RAPH1: variants seen among roughly 807,000 people sequenced by gnomAD.
RAPH1 encodes ras-associated and pleckstrin homology domains-containing protein 1.
RAPH1 carries 18 observed loss-of-function variants against 88.1 expected under a neutral mutation model. The ratio of observed to expected loss-of-function variants is 0.20; its 90% CI spans 0.14 to 0.30. The LOEUF (loss-of-function observed/expected upper bound fraction) is 0.30. Among genes scored for constraint, RAPH1 ranks in the 10% least tolerant of loss-of-function variants. RAPH1 has a pLI of 1.00. For synonymous variants in RAPH1, 587 were observed against 559.0 expected, an observed-to-expected ratio of 1.05 and a Z score of -0.71; for missense variants, 1,448 against 1,543.2, an observed-to-expected ratio of 0.94 and a Z score of 1.03.
At chr2:203,464,045 AAAG>A (rs1435677385) in intron 4 of RAPH1, among the ~76,000 whole-genome samples, 1 of 152,214 alleles carries the variant, frequency 6.6e-6, no homozygotes, top group Non-Finnish European at 1.5e-5. Flanking sequence ...AGGGGAAGAG[AAAG>A]AAGGAGGCAG....
chr2:203,530,477 T>C (rs1308063842), intron 1 of RAPH1, among the ~76,000 whole-genome samples: 1 of 152,188 alleles, frequency 6.6e-6, no homozygotes, highest in East Asian at 1.9e-4. Flanking sequence ...ACTCTTCAAA[T>C]ACACTGATCC....
chr2:203,495,427 CT>C, intron 1 of RAPH1, 74 bp from the exon 2 acceptor site: 1 of 1,430,214 alleles, frequency 7.0e-7, no homozygotes. Context: ...CATATATGCT[CT>C]GATATATATT....
intron 4 of RAPH1, among the ~76,000 whole-genome samples, chr2:203,465,906 AG>A (rs1323078724): frequency 6.6e-6 from 1 of 152,190 alleles, no homozygotes; most frequent in East Asian, 1.9e-4. Flanking sequence ...CAACGGACAT[AG>A]GGATTAAACA....
chr2:203,473,675 TA>T lies in RAPH1; in HGVS notation c.733-11751del, dbSNP rs898904950. Among the ~76,000 whole-genome samples the T allele has an allele frequency of 5.2e-4, 79 of 151,684 alleles. No individual in the cohort carries two copies. The East Asian group carries it at 6.2e-3, about 12-fold the overall frequency. On this transcript the variant is annotated intron_variant, in intron 4 of 13. Transcript: ENST00000319170. ...TAGAAATATATTTTAAACGTTTAAT[TA>T]AAAAAAAATTATGGTTTGGGCATGG... is the stretch of plus-strand genomic sequence containing the variant.
intron 4 of RAPH1, among the ~76,000 whole-genome samples, chr2:203,485,014 A>G (rs905388463): frequency 6.6e-6 from 1 of 152,186 alleles, no homozygotes; most frequent in Non-Finnish European, 1.5e-5. Flanking sequence ...GCTTAGGGAA[A>G]CTTCATGCTC....
At chr2:203,449,004 T>G (rs1049320071) in intron 10 of RAPH1, among the ~76,000 whole-genome samples, 168 bp from the exon 11 acceptor site, 4 of 152,222 alleles carry the variant, frequency 2.6e-5, no homozygotes, top group African/African-American at 9.7e-5. Flanking sequence ...CCCATAAGAA[T>G]TTTTACAAAG....
intron 4 of RAPH1, among the ~76,000 whole-genome samples, chr2:203,479,112 A>G (rs892157098): frequency 1.3e-5 from 2 of 152,256 alleles, no homozygotes; most frequent in Non-Finnish European, 2.9e-5. Flanking sequence ...ATATAGACAC[A>G]GAAAAATAAT....
chr2:203,486,093 C>CAA lies in RAPH1; in HGVS notation c.732+3489_732+3490dup, dbSNP rs59599120. 4.6e-3 allele frequency among the ~76,000 whole-genome samples: 559 copies of CAA among 121,818 alleles called. 2 individuals are homozygous for CAA. The highest frequency in any genetic ancestry group is 0.025 in the South Asian group (102 of 4,056). The allele number at this position is 121,818 out of a possible 152,430, so 79.9% of individuals were successfully genotyped here. On this transcript the variant is annotated intron_variant, in intron 4 of 13. Transcript: ENST00000319170. ...AACCTAAGGATAATCCTGAAGACTA[C>CAA]AAAAAAAAAAAAAAGAAAGAAAAGA...
At chr2:203,477,250 T>A in intron 4 of RAPH1, 1 of 931,348 alleles carries the variant, frequency 1.1e-6, no homozygotes. Context: ...ATCAATGAAG[T>A]GAAACAAAAC....
chr2:203,495,076 T>C, intron 2 of RAPH1, 158 bp downstream of exon 2: 1 of 721,470 alleles, frequency 1.4e-6, no homozygotes, highest in Non-Finnish European at 2.2e-6. Context: ...ATATCTTCTG[T>C]TCTAGAATGA....
At chr2:203,501,854 T>C (rs1409138434) in intron 1 of RAPH1, among the ~76,000 whole-genome samples, 4 of 146,048 alleles carry the variant, frequency 2.7e-5, no homozygotes, top group Non-Finnish European at 4.5e-5. Context: ...CAAATACAAA[T>C]TCTGTAACTT....
At chr2:203,487,780 C>T (rs1688041009) in intron 4 of RAPH1, among the ~76,000 whole-genome samples, 2 of 152,024 alleles carry the variant, frequency 1.3e-5, no homozygotes, top group Admixed American at 6.5e-5. Context: ...TGATAAGATT[C>T]GCTTTCTTTG....
intron 8 of RAPH1, among the ~76,000 whole-genome samples, chr2:203,457,206 T>C (rs1441863831): frequency 1.3e-5 from 2 of 151,956 alleles, no homozygotes; most frequent in Non-Finnish European, 2.9e-5. Flanking sequence ...TTTATTTTAT[T>C]GAGACAGAGT....
chr2:203,469,535 G>T (rs2098531329), intron 4 of RAPH1, among the ~76,000 whole-genome samples: 1 of 152,128 alleles, frequency 6.6e-6, no homozygotes, highest in South Asian at 2.1e-4. Flanking sequence ...ATATTTTTCA[G>T]AAATATGTCT....
At chr2:203,454,263 A>T (rs775348019) in intron 10 of RAPH1, among the ~76,000 whole-genome samples, 167 bp downstream of exon 10, 2 of 152,228 alleles carry the variant, frequency 1.3e-5, no homozygotes, top group Non-Finnish European at 2.9e-5. Flanking sequence ...GTCTGCTATG[A>T]TATAGCACAT....
Position 203,439,948 on chromosome 2 carries a change from T to G in RAPH1, c.3242A>C (p.Glu1081Ala). 6.2e-7 allele frequency: 1 copy of G among 1,613,672 alleles called. No individual in the cohort carries two copies. The highest frequency in any genetic ancestry group is 1.1e-5 in the South Asian group (1 of 91,038). Residue 1081 changes from glutamate to alanine, a missense_variant, in exon 14 of 14, where the codon GAG becomes GCG. Glu to Ala is a moderately radical substitution (Grantham distance 107). Transcript: ENST00000319170. ...SDFPPPPPETELPLPPIEIPA... is the reference protein window; with the variant it reads ...SDFPPPPPETALPLPPIEIPA... ...AATCTCAATGGGGGGCAGAGGAAGC[T>G]CTGTTTCAGGTGGAGGGGGTGGAAA...
At chr2:203,447,916 T>C in intron 12 of RAPH1, 43 bp downstream of exon 12, 1 of 1,609,244 alleles carries the variant, frequency 6.2e-7, no homozygotes, top group Non-Finnish European at 8.5e-7. Flanking sequence ...ACAGAGACCT[T>C]CATATTAATC....
intron 4 of RAPH1, among the ~76,000 whole-genome samples, chr2:203,488,588 T>TTAA (rs1553626729): frequency 9.3e-4 from 34 of 36,662 alleles, no homozygotes; most frequent in Non-Finnish European, 1.3e-3. Flanking sequence ...CTCCGTCTAT[T>TTAA]AAAAAAAAAA....
intron 1 of RAPH1, among the ~76,000 whole-genome samples, chr2:203,526,555 T>A (rs1477216202): frequency 6.6e-6 from 1 of 151,792 alleles, no homozygotes; most frequent in Non-Finnish European, 1.5e-5. Flanking sequence ...TAAAACCCCA[T>A]CTCTACCAAA....
Sources: allele counts gnomAD v4.1 joint callset (sites outside exome capture counted in the v4.1 genomes callset), GRCh38; gene constraint gnomAD v4.1.1; transcripts MANE v1.5; gene names NCBI Gene and HGNC (gene_info 2026-07-23, HGNC 2026-07-21).